OTOG: variants seen among roughly 807,000 people sequenced by gnomAD.
OTOG encodes the protein otogelin.
Under a neutral mutation model 313.8 loss-of-function variants are expected in OTOG, and 296 were observed. That is an observed-to-expected ratio of 0.94 (90% CI 0.86 to 1.04). The LOEUF (loss-of-function observed/expected upper bound fraction) is 1.04. Among genes scored for constraint, OTOG ranks in the 50% least tolerant of loss-of-function variants. The pLI is 0.00. For missense variants in OTOG, 3,948 were observed against 3,840.1 expected (o/e 1.03, Z -0.74); for synonymous variants, 1,533 against 1,554.9 (o/e 0.99, Z 0.33).
chr11:17,612,599 T>G, intron 37 of OTOG, 21 bp from the exon 38 acceptor site: 1 of 1,545,586 alleles, frequency 6.5e-7, no homozygotes, highest in Non-Finnish European at 8.7e-7. Context: ...CTATTCTTCT[T>G]GTGCCCTGCC....
At chr11:17,630,303 T>C (rs1010901410) in intron 40 of OTOG, among the ~76,000 whole-genome samples, 2 of 152,110 alleles carry the variant, frequency 1.3e-5, no homozygotes, top group Admixed American at 6.6e-5. Context: ...TTTCTCATCA[T>C]TTCTTCCTTC....
In OTOG at chr11:17,638,488, C is replaced by T. The variant is rs1460680025; in HGVS notation, c.7833C>T (p.Gly2611=). The change falls in exon 48 of 56, where the codon GGC becomes GGT. Residue 2611 remains glycine, a synonymous_variant. Coordinates refer to ENST00000399397, the MANE Select transcript of OTOG (RefSeq NM_001292063.2). ...TCCGCTGTCCCCAAGTGCAGTGTGG[C>T]CTGGGCACTGCCCTGGTGGAGGTGT... ...ENFRCPQVQC[G]LGTALVEVWS... is the part of the protein sequence containing the mutation. 6.5e-7 allele frequency: 1 copy of T among 1,550,280 alleles called. No homozygotes were observed. Among genetic ancestry groups the T allele is most frequent in the South Asian group, 1.2e-5 (1 of 84,060 alleles).
rs536610714 is a variant in OTOG, at chr11:17,599,284, T to C, written c.3683-387T>C. On this transcript the variant is annotated intron_variant, in intron 30 of 55. Transcript: ENST00000399397. ...GCTCTTGGAAGACCAGCCTCCATCT[T>C]GTGCTTGCATTCCTCTGGGGGCCTT... Among the ~76,000 whole-genome samples the C allele has an allele frequency of 3.3e-5, 5 of 152,208 alleles. No homozygotes were observed. In the South Asian group the frequency reaches 1.0e-3, roughly 31 times the overall value.
chr11:17,569,056 T>C, intron 15 of OTOG, 100 bp from the exon 16 acceptor site: 1 of 1,346,334 alleles, frequency 7.4e-7, no homozygotes, highest in Non-Finnish European at 1.0e-6. Context: ...GAGGAAACTG[T>C]CTCTCAAGCT....
At chr11:17,552,567 C>CCCCACCTGTCCTGTGTCT (rs1189704502) in intron 4 of OTOG, among the ~76,000 whole-genome samples, 13 of 103,214 alleles carry the variant, frequency 1.3e-4, no homozygotes, top group Non-Finnish European at 1.6e-4. Flanking sequence ...GTCCTGTGTC[C>CCCCACCTGTCCTGTGTCT]CCCACCTGTC....
intron 23 of OTOG, among the ~76,000 whole-genome samples, chr11:17,580,820 T>C (rs534942370): frequency 1.3e-5 from 2 of 152,282 alleles, no homozygotes; most frequent in African/African-American, 4.8e-5. Flanking sequence ...GAGGAAGGTG[T>C]CATTATTCCT....
At chr11:17,611,689 CTG>C (rs942856545) in intron 36 of OTOG, among the ~76,000 whole-genome samples, 4 of 152,230 alleles carry the variant, frequency 2.6e-5, no homozygotes, top group Admixed American at 6.5e-5. Context: ...TGTGAGACTG[CTG>C]TGTGTGTTTG....
At chr11:17,568,367 A>G (rs1852334137) in intron 15 of OTOG, among the ~76,000 whole-genome samples, 1 of 152,194 alleles carries the variant, frequency 6.6e-6, no homozygotes, top group Non-Finnish European at 1.5e-5. Flanking sequence ...TTATGTTATT[A>G]TCATTCCCTA....
chr11:17,551,694 G>T (rs1311156154), intron 3 of OTOG, among the ~76,000 whole-genome samples: 1 of 152,166 alleles, frequency 6.6e-6, no homozygotes, highest in African/African-American at 2.4e-5. Flanking sequence ...AAGAAAAGGA[G>T]GCTGGCAGGT....
Position 17,555,866 on chromosome 11 carries a change from C to A in OTOG, c.628C>A (p.Leu210Met). 1 of 1,551,082 alleles carries A rather than the reference C, an allele frequency of 6.4e-7. No homozygotes were observed. The highest frequency in any genetic ancestry group is 8.7e-7 in the Non-Finnish European group (1 of 1,147,086). Reference sequence around the variant, plus strand: ...CTTTGTGGGTGAGCAGGAGATCCATCTGGCCAAGGAGGTCACCCATGGAGG... The same window carrying A: ...CTTTGTGGGTGAGCAGGAGATCCATATGGCCAAGGAGGTCACCCATGGAGG... ...LFFVGEQEIH[L>M]AKEVTHGGMR... Residue 210 changes from leucine to methionine, a missense_variant, in exon 7 of 56, where the codon CTG becomes ATG. Coordinates refer to ENST00000399397, the MANE Select transcript of OTOG (RefSeq NM_001292063.2).
rs7117645 is a variant in OTOG, at chr11:17,571,782, C to T, written c.1956-298C>T. The stretch of plus-strand genomic sequence containing the variant: ...GCGTGTGTGTGTGTGTGTGCGTGCG[C>T]GCACGCATGCATGTGTACATCCATG... On this transcript the variant is annotated intron_variant, in intron 17 of 55. Transcript: ENST00000399397. Among the ~76,000 whole-genome samples, 7,954 of 152,052 alleles carry T rather than the reference C, an allele frequency of 0.052. 273 individuals are homozygous for T. The highest frequency in any genetic ancestry group is 0.091 in the African/African-American group (3,788 of 41,466).
At chr11:17,575,400 TG>T (rs918558940) in intron 20 of OTOG, among the ~76,000 whole-genome samples, 7 of 152,140 alleles carry the variant, frequency 4.6e-5, no homozygotes, top group Admixed American at 3.9e-4. Flanking sequence ...GTCCCATTCC[TG>T]GTGTGTTACT....
chr11:17,600,177 A>G (rs1034191496), intron 31 of OTOG, among the ~76,000 whole-genome samples: 1 of 151,494 alleles, frequency 6.6e-6, no homozygotes, highest in African/African-American at 2.4e-5. Context: ...GTTCCGGGAG[A>G]TGCTCTGACA....
intron 42 of OTOG, 73 bp downstream of exon 42, chr11:17,632,299 C>G: frequency 5.5e-6 from 8 of 1,459,172 alleles, no homozygotes; most frequent in Non-Finnish European, 7.3e-6. Context: ...GGAAAAGGCT[C>G]CCGGCCCCAA....
Position 17,573,103 on chromosome 11 carries a change from C to G in OTOG, c.2106C>G (p.Ser702Arg). Residue 702 changes from serine to arginine, a missense_variant, in exon 19 of 56, where the codon AGC (serine) becomes AGG (arginine). By Grantham distance (110) the Ser-to-Arg change is moderately radical. Coordinates refer to ENST00000399397, the MANE Select transcript of OTOG (RefSeq NM_001292063.2). ...QAASYSVQAC[S>R]VLTGEMFAPC... ...CCTCCTACTCAGTGCAGGCCTGCAGCGTGCTCACGGGGGAGATGTTTGCGC... is the reference window on the plus strand; with the variant it reads ...CCTCCTACTCAGTGCAGGCCTGCAGGGTGCTCACGGGGGAGATGTTTGCGC... The G allele has an allele frequency of 6.5e-7, 1 of 1,548,326 alleles. No homozygotes were observed. Among genetic ancestry groups the G allele is most frequent in the Non-Finnish European group, 8.7e-7 (1 of 1,146,904 alleles).
intron 39 of OTOG, among the ~76,000 whole-genome samples, chr11:17,615,620 G>A (rs1210123669): frequency 6.6e-6 from 1 of 152,084 alleles, no homozygotes; most frequent in African/African-American, 2.4e-5. Flanking sequence ...CCATTGAATT[G>A]TCTTTGAACC....
chr11:17,570,071 GGCAGGCAC>G, intron 16 of OTOG, 134 bp from the exon 17 acceptor site: 1 of 723,186 alleles, frequency 1.4e-6, no homozygotes, highest in African/African-American at 1.8e-5. Flanking sequence ...CCAGCTTCAT[GGCAGGCAC>G]GCAGGCAGGC....
intron 39 of OTOG, among the ~76,000 whole-genome samples, chr11:17,614,407 T>G (rs962169178): frequency 6.6e-6 from 1 of 152,218 alleles, no homozygotes; most frequent in South Asian, 2.1e-4. Context: ...TCCCTGAGTT[T>G]CGTTTCTTAG....
At chr11:17,620,469 C>A (rs752721859) in intron 39 of OTOG, among the ~76,000 whole-genome samples, 47 of 152,080 alleles carry the variant, frequency 3.1e-4, no homozygotes, top group Non-Finnish European at 5.9e-4. Context: ...GTATATACCA[C>A]AGTTTGTTTA....
Sources: gnomAD v4.1 joint callset for allele counts (sites outside exome capture counted in the v4.1 genomes callset) on GRCh38, gnomAD v4.1.1 for gene constraint, MANE v1.5 for transcripts, NCBI Gene and HGNC (gene_info 2026-07-23, HGNC 2026-07-21) for gene names.